The following DHX29 variants were observed in gnomAD, a reference collection of about 807,000 sequenced individuals.
The protein encoded by DHX29 is DExH-box helicase 29, also known as ATP-dependent RNA helicase DHX29.
Under a neutral mutation model 167.9 loss-of-function variants are expected in DHX29, and 79 were observed. The ratio of observed to expected loss-of-function variants is 0.47; its 90% CI spans 0.39 to 0.57. The LOEUF (loss-of-function observed/expected upper bound fraction) is 0.57, where lower values mean the gene tolerates loss of function less well. Among genes scored for constraint, DHX29 ranks in the 20% least tolerant of loss-of-function variants. The pLI, the probability that DHX29 is intolerant of heterozygous loss-of-function variation, is 0.00. For missense variants in DHX29, 1,347 were observed against 1,593.4 expected (o/e 0.85, Z 2.63); for synonymous variants, 530 against 546.0 (o/e 0.97, Z 0.41).
chr5:55,283,764 C>T lies in DHX29; in HGVS notation c.1404G>A (p.Glu468=), dbSNP rs1230809928. Residue 468 remains glutamate, a synonymous_variant, in exon 11 of 27, where the codon GAG becomes GAA. Coordinates refer to ENST00000251636, the MANE Select transcript of DHX29 (RefSeq NM_019030.4). ...CCCTTTTCTTTTCTGCATCACTCCA[C>T]TCCAGCCAAACATCTCGGTAAGTGG... is the stretch of plus-strand genomic sequence containing the variant. ...LPPTYRDVWL[E]WSDAEKKREE... is the part of the protein sequence containing the mutation. The T allele has an allele frequency of 1.1e-5, 18 of 1,610,600 alleles. No homozygotes were observed. The highest frequency in any genetic ancestry group is 1.4e-5 in the Non-Finnish European group (17 of 1,178,814).
At chr5:55,268,696 G>A (rs1746701661) in intron 21 of DHX29, among the ~76,000 whole-genome samples, 1 of 151,832 alleles carries the variant, frequency 6.6e-6, no homozygotes, top group Admixed American at 6.6e-5. Flanking sequence ...AAAGGCCATA[G>A]CTTGATAAAG....
At chr5:55,276,179 G>T in intron 14 of DHX29, 87 bp downstream of exon 14, 1 of 1,152,318 alleles carries the variant, frequency 8.7e-7, no homozygotes, top group South Asian at 1.6e-5. Flanking sequence ...CAAATTCACT[G>T]TGTTAACCAC....
At chr5:55,286,331 C>G (rs1192031361) in intron 8 of DHX29, among the ~76,000 whole-genome samples, 1 of 151,908 alleles carries the variant, frequency 6.6e-6, no homozygotes, top group Non-Finnish European at 1.5e-5. Flanking sequence ...TAAGGAAATC[C>G]TCTTAATGGA....
chr5:55,262,025 CCTTTT>C (rs1273455946), intron 24 of DHX29, among the ~76,000 whole-genome samples: 13 of 152,100 alleles, frequency 8.5e-5, no homozygotes, highest in African/African-American at 3.1e-4. Context: ...CTTTATGTTC[CCTTTT>C]CTTCTCATAC....
Position 55,259,855 on chromosome 5 carries a change from G to C in DHX29, c.4050C>G (p.Ser1350=). ...LRKKLENPKM[S]LENDKILQII... ...TTATAAGCAAACACTTACTTTCAAG[G>C]GACATCTTTGGATTTTCAAGCTTTT... The change falls in exon 26 of 27, where the codon TCC becomes TCG. Residue 1350 remains serine (S), a synonymous_variant. Transcript: ENST00000251636. 2 of 1,573,950 alleles carry C rather than the reference G, an allele frequency of 1.3e-6. No homozygotes were observed. Among genetic ancestry groups the C allele is most frequent in the South Asian group, 1.1e-5 (1 of 90,032 alleles).
chr5:55,267,768 G>A lies in DHX29; in HGVS notation c.3349C>T (p.Arg1117Ter), dbSNP rs778048404. The A allele has an allele frequency of 3.7e-6, 6 of 1,608,702 alleles. No homozygotes were observed. The highest frequency in any genetic ancestry group is 2.7e-5 in the African/African-American group (2 of 74,814). The change falls in exon 22 of 27, where the codon CGA (arginine) becomes TGA (stop). Residue 1117 changes from arginine (R) to a stop codon, truncating the protein, a stop_gained. Coordinates refer to ENST00000251636, the MANE Select transcript of DHX29 (RefSeq NM_019030.4). LOFTEE classifies it high-confidence loss of function. The part of the protein sequence containing the change: ...EKSPFTTPIG[R>*]KDEADLAKSA... ...TTTGCAAGATCTGCTTCATCTTTTC[G>A]ACCAATTGGTGTGGTAAAAGGAGAC... is the stretch of plus-strand genomic sequence containing the variant.
chr5:55,296,100 A>T, intron 4 of DHX29, 120 bp downstream of exon 4: 2 of 1,082,288 alleles, frequency 1.8e-6, no homozygotes, highest in Non-Finnish European at 2.5e-6. Context: ...AGGTAAGAAC[A>T]CTTTAAAAGT....
chr5:55,307,149 A>C (rs2112001024), intron 1 of DHX29, among the ~76,000 whole-genome samples: 1 of 152,322 alleles, frequency 6.6e-6, no homozygotes, highest in Middle Eastern at 3.4e-3. Context: ...AAGGGGGAGA[A>C]GTGTGAGTTA....
At chr5:55,289,480 A>T in intron 7 of DHX29, 52 bp from the exon 8 acceptor site, 1 of 1,373,078 alleles carries the variant, frequency 7.3e-7, no homozygotes. Flanking sequence ...AAAAATTGTT[A>T]TTTTTTATTT....
chr5:55,287,938 GAAAAAAA>G (rs1247600043), intron 8 of DHX29, among the ~76,000 whole-genome samples: 6 of 81,718 alleles, frequency 7.3e-5, no homozygotes, highest in African/African-American at 2.3e-4. Flanking sequence ...TGGAAAAAAA[GAAAAAAA>G]AAAAAAAAAG....
At chr5:55,277,340 G>T in intron 12 of DHX29, 58 bp from the exon 13 acceptor site, 1 of 1,186,866 alleles carries the variant, frequency 8.4e-7, no homozygotes, top group Admixed American at 2.4e-5. Context: ...TCTAGTAAGA[G>T]GCTTGAACAA....
At chr5:55,278,201 C>T (rs1282848063) in intron 12 of DHX29, among the ~76,000 whole-genome samples, 1 of 152,182 alleles carries the variant, frequency 6.6e-6, no homozygotes, top group Non-Finnish European at 1.5e-5. Context: ...TGTCTTCCAA[C>T]TTTCTGTACT....
chr5:55,284,727 T>C (rs940765852), intron 10 of DHX29, among the ~76,000 whole-genome samples: 2 of 152,248 alleles, frequency 1.3e-5, no homozygotes, highest in Admixed American at 6.5e-5. Context: ...TGGAAGTGTA[T>C]TGTTAATATA....
At chr5:55,288,949 C>A (rs1177084744) in intron 8 of DHX29, among the ~76,000 whole-genome samples, 1 of 152,144 alleles carries the variant, frequency 6.6e-6, no homozygotes, top group Non-Finnish European at 1.5e-5. Context: ...GGACTTGTTA[C>A]TGATGTCAGT....
intron 1 of DHX29, among the ~76,000 whole-genome samples, chr5:55,302,449 T>C (rs905736361): frequency 1.1e-4 from 17 of 152,156 alleles, no homozygotes; most frequent in Non-Finnish European, 1.8e-4. Context: ...TGAAACCCCA[T>C]CTCTACAAAA....
At chr5:55,283,086 A>G in intron 11 of DHX29, 117 bp downstream of exon 11, 3 of 1,131,090 alleles carry the variant, frequency 2.7e-6, no homozygotes, top group Non-Finnish European at 3.6e-6. Flanking sequence ...GAAATGTGCT[A>G]CTGATCAACC....
At chr5:55,287,762 A>C (rs1373316801) in intron 8 of DHX29, among the ~76,000 whole-genome samples, 1 of 151,792 alleles carries the variant, frequency 6.6e-6, no homozygotes, top group Admixed American at 6.6e-5. Context: ...CAGCATGGCC[A>C]ACATGGCAAA....
At chr5:55,289,106 G>A (rs1193216366) in intron 8 of DHX29, among the ~76,000 whole-genome samples, 164 bp downstream of exon 8, 1 of 152,168 alleles carries the variant, frequency 6.6e-6, no homozygotes, top group Admixed American at 6.5e-5. Flanking sequence ...CTGTACATGT[G>A]TAATCATAAT....
intron 6 of DHX29, among the ~76,000 whole-genome samples, chr5:55,292,446 CA>C (rs2111942366): frequency 6.6e-6 from 1 of 152,250 alleles, no homozygotes; most frequent in African/African-American, 2.4e-5. Flanking sequence ...CACACCTGAG[CA>C]AGTGCAATAG....
Sources: gnomAD v4.1 joint callset for allele counts (sites outside exome capture counted in the v4.1 genomes callset) on GRCh38, gnomAD v4.1.1 for gene constraint, MANE v1.5 for transcripts, NCBI Gene and HGNC (gene_info 2026-07-23, HGNC 2026-07-21) for gene names.